Variants in LRP1B observed in about 807,000 individuals in gnomAD.
LRP1B encodes LDL receptor related protein 1B.
Under a neutral mutation model 556.6 loss-of-function variants are expected in LRP1B, and 217 were observed. That is an observed-to-expected ratio of 0.39 (90% CI 0.35 to 0.44). The LOEUF (loss-of-function observed/expected upper bound fraction) is 0.44. Among genes scored for constraint, LRP1B ranks in the 20% least tolerant of loss-of-function variants. The probability of loss-of-function intolerance (pLI) is 1.00; values close to 1 mark genes in which losing one functional copy is unlikely to be tolerated. For missense variants in LRP1B, 5,053 were observed against 5,620.8 expected, an observed-to-expected ratio of 0.90 and a Z score of 3.23; for synonymous variants, 2,047 against 1,865.8, an observed-to-expected ratio of 1.10 and a Z score of -2.50.
chr2:140,503,069 A>C lies in LRP1B; in HGVS notation c.8556T>G (p.Cys2852Trp), dbSNP rs2104896427. 6.2e-7 allele frequency: 1 copy of C among 1,613,368 alleles called. No individual in the cohort carries two copies. The highest frequency in any genetic ancestry group is 8.5e-7 in the Non-Finnish European group (1 of 1,179,414). Residue 2852 changes from cysteine (C) to tryptophan (W), a missense_variant, in exon 54 of 91, where the codon TGT becomes TGG. Physicochemically the swap from Cys to Trp is radical, Grantham distance 215. This residue lies in a region of LRP1B where 3,619 missense variants were observed against 3,931.9 expected (regional missense o/e 0.92). Coordinates refer to ENST00000389484, the MANE Select transcript of LRP1B (RefSeq NM_018557.3). ...TATTTAGAAGACACCGCCCATCAGC[A>C]CAACTAAATTCTTCTGTACCACACT... ...YRQCGTEEFS[C>W]ADGRCLLNTQ...
chr2:141,098,202 A>G (rs529602304), intron 7 of LRP1B, among the ~76,000 whole-genome samples: 38 of 152,338 alleles, frequency 2.5e-4, no homozygotes, highest in Admixed American at 2.2e-3. Context: ...GTCCTGATTC[A>G]AACTATATGG....
chr2:140,808,295 A>G (rs1192036037), intron 32 of LRP1B, among the ~76,000 whole-genome samples: 2 of 152,208 alleles, frequency 1.3e-5, no homozygotes, highest in African/African-American at 2.4e-5. Context: ...TATCTTGGAA[A>G]ATTAACCTTA....
intron 18 of LRP1B, among the ~76,000 whole-genome samples, chr2:140,973,684 G>A (rs1157713271): frequency 2.0e-5 from 3 of 151,964 alleles, no homozygotes. Flanking sequence ...AAGGTAAAAA[G>A]CCCAGTATGA....
intron 82 of LRP1B, among the ~76,000 whole-genome samples, chr2:140,316,206 T>A (rs1346783511): frequency 6.6e-6 from 1 of 152,158 alleles, no homozygotes; most frequent in Admixed American, 6.6e-5. Context: ...AAAGTTGTAA[T>A]AAGCATTCTA....
intron 63 of LRP1B, among the ~76,000 whole-genome samples, chr2:140,447,971 T>C (rs1392640594): frequency 6.6e-6 from 1 of 152,112 alleles, no homozygotes; most frequent in African/African-American, 2.4e-5. Context: ...GTTTGTTGTC[T>C]TTTATGGATA....
At chr2:141,724,844 A>G (rs1417412413) in intron 2 of LRP1B, among the ~76,000 whole-genome samples, 4 of 152,004 alleles carry the variant, frequency 2.6e-5, no homozygotes, top group Admixed American at 1.3e-4. Flanking sequence ...ATGCATTTGT[A>G]TTCCACATTC....
intron 80 of LRP1B, among the ~76,000 whole-genome samples, chr2:140,324,902 A>AT (rs890370620): frequency 2.8e-5 from 4 of 142,898 alleles, no homozygotes; most frequent in African/African-American, 7.9e-5. Flanking sequence ...GAGGCCATTG[A>AT]TTAAAAAAAA....
Position 140,461,632 on chromosome 2 carries a change from C to T in LRP1B, c.9626-3981G>A, listed in dbSNP as rs143419870. 5.1e-3 allele frequency among the ~76,000 whole-genome samples: 777 copies of T among 152,014 alleles called. 7 individuals carry two copies. The highest frequency in any genetic ancestry group is 0.017 in the African/African-American group (723 of 41,484). On this transcript the variant is annotated intron_variant, in intron 60 of 90. Transcript: ENST00000389484. ...AGCTGATCACCTGAGGTCAGGAGTT[C>T]GAAACCAGCCTGATCAACATGGTGA...
chr2:140,645,659 C>T (rs1684456229), intron 41 of LRP1B, among the ~76,000 whole-genome samples: 1 of 150,978 alleles, frequency 6.6e-6, no homozygotes, highest in East Asian at 2.0e-4. Context: ...CCTGCCTCAG[C>T]CTCCCGAGTA....
At chr2:140,549,965 G>A (rs192558143) in intron 43 of LRP1B, among the ~76,000 whole-genome samples, 26 of 151,462 alleles carry the variant, frequency 1.7e-4, no homozygotes, top group African/African-American at 5.6e-4. Context: ...CCATCAACCC[G>A]TCACCTAGAT....
At chr2:141,789,682 T>G (rs1467111347) in intron 2 of LRP1B, among the ~76,000 whole-genome samples, 1 of 152,012 alleles carries the variant, frequency 6.6e-6, no homozygotes, top group Non-Finnish European at 1.5e-5. Context: ...GTTTATACTT[T>G]CCAGTTTCAT....
chr2:141,836,027 G>C (rs1697265099), intron 1 of LRP1B, among the ~76,000 whole-genome samples: 1 of 151,882 alleles, frequency 6.6e-6, no homozygotes, highest in Admixed American at 6.6e-5. Context: ...TGCTTGATAT[G>C]GATTCTTCAG....
chr2:140,957,312 C>G (rs923084915), intron 18 of LRP1B, among the ~76,000 whole-genome samples: 5 of 151,102 alleles, frequency 3.3e-5, no homozygotes, highest in African/African-American at 1.2e-4. Context: ...TCATGACGGC[C>G]CGGAAGTGAG....
intron 45 of LRP1B, among the ~76,000 whole-genome samples, chr2:140,539,644 T>A (rs951960592): frequency 6.6e-6 from 1 of 152,120 alleles, no homozygotes; most frequent in African/African-American, 2.4e-5. Flanking sequence ...TAGCCTGAAG[T>A]GACCTGTGAA....
At chr2:140,841,458 A>G (rs989101037) in intron 29 of LRP1B, among the ~76,000 whole-genome samples, 9 of 152,160 alleles carry the variant, frequency 5.9e-5, no homozygotes, top group Admixed American at 3.9e-4. Context: ...TCTAGTTACG[A>G]GAAAGTACTT....
intron 3 of LRP1B, among the ~76,000 whole-genome samples, chr2:141,377,848 A>G (rs1689494833): frequency 6.6e-6 from 1 of 152,222 alleles, no homozygotes; most frequent in African/African-American, 2.4e-5. Context: ...AAATGTCTTC[A>G]TAGGAGTTTT....
chr2:141,162,785 G>C (rs1385145471), intron 7 of LRP1B, among the ~76,000 whole-genome samples: 7 of 152,054 alleles, frequency 4.6e-5, no homozygotes, highest in African/African-American at 1.4e-4. Flanking sequence ...TATCAGTGAA[G>C]TTCACAAAAT....
At chr2:141,483,955 C>T (rs1683021116) in intron 2 of LRP1B, among the ~76,000 whole-genome samples, 2 of 151,828 alleles carry the variant, frequency 1.3e-5, no homozygotes, top group African/African-American at 2.4e-5. Flanking sequence ...TGTGCAGAAG[C>T]TCTTTAGTTT....
intron 2 of LRP1B, among the ~76,000 whole-genome samples, chr2:141,737,257 C>T (rs1693509404): frequency 6.6e-6 from 1 of 152,132 alleles, no homozygotes; most frequent in South Asian, 2.1e-4. Flanking sequence ...GAGGCCAAGG[C>T]AGGAGAATTG....
Sources: allele counts gnomAD v4.1 joint callset (sites outside exome capture counted in the v4.1 genomes callset), GRCh38; gene constraint gnomAD v4.1.1; regional missense constraint gnomAD v4.1.1; transcripts MANE v1.5; gene names NCBI Gene and HGNC (gene_info 2026-07-23, HGNC 2026-07-21).